The following ADAMTS12 variants were observed in gnomAD, a reference collection of about 807,000 sequenced individuals.
The protein encoded by ADAMTS12 is A disintegrin and metalloproteinase with thrombospondin motifs 12.
In ADAMTS12, 118 loss-of-function variants were observed where a neutral mutation model predicts 167.8. That is an observed-to-expected ratio of 0.70 (90% CI 0.61 to 0.82). The LOEUF (loss-of-function observed/expected upper bound fraction) is 0.82, where lower values mean the gene tolerates loss of function less well. Among genes scored for constraint, ADAMTS12 ranks in the 40% least tolerant of loss-of-function variants. ADAMTS12 has a pLI of 0.00. For synonymous variants in ADAMTS12, 704 were observed against 716.9 expected (o/e 0.98, Z 0.29); for missense variants, 1,916 against 1,998.8 (o/e 0.96, Z 0.79).
intron 3 of ADAMTS12, among the ~76,000 whole-genome samples, chr5:33,719,603 T>C (rs114517311): frequency 0.01 from 1,551 of 152,312 alleles, 28 homozygotes; most frequent in African/African-American, 0.035. Context: ...CACAGCACCA[T>C]CAGCACCTAA....
chr5:33,527,247 T>C lies in ADAMTS12; in HGVS notation c.4726A>G (p.Ile1576Val). 1 of 1,614,094 alleles carries C rather than the reference T, an allele frequency of 6.2e-7. No homozygotes were observed. Among genetic ancestry groups the C allele is most frequent in the South Asian group, 1.1e-5 (1 of 91,064 alleles). ...CTTCTTTGCCTTTGGGTGTGTGTGA[T>C]GTGTGTCTGGGGACACGAGAAGCAG... ...ECCFSCPQTH[I>V]THTQRQRRQR... Residue 1576 changes from isoleucine (I) to valine (V), a missense_variant, in exon 24 of 24, where the codon ATC becomes GTC. Physicochemically the swap from Ile to Val is conservative, Grantham distance 29. Coordinates refer to ENST00000504830, the MANE Select transcript of ADAMTS12 (RefSeq NM_030955.4).
intron 3 of ADAMTS12, among the ~76,000 whole-genome samples, chr5:33,729,253 T>C (rs1005046390): frequency 1.3e-5 from 2 of 152,212 alleles, no homozygotes; most frequent in African/African-American, 4.8e-5. Context: ...CTTCAGGGGT[T>C]CCATTGGAGA....
chr5:33,547,089 T>C (rs1745021410), intron 21 of ADAMTS12, among the ~76,000 whole-genome samples: 1 of 152,192 alleles, frequency 6.6e-6, no homozygotes, highest in Admixed American at 6.5e-5. Context: ...TCAACTTTTT[T>C]CCCACTTATT....
chr5:33,753,341 G>T (rs1273615109), intron 2 of ADAMTS12, among the ~76,000 whole-genome samples: 1 of 152,182 alleles, frequency 6.6e-6, no homozygotes, highest in African/African-American at 2.4e-5. Context: ...CAGGAAGGAA[G>T]AACGGACAAG....
At chr5:33,531,297 A>G (rs1463421679) in intron 23 of ADAMTS12, among the ~76,000 whole-genome samples, 1 of 152,198 alleles carries the variant, frequency 6.6e-6, no homozygotes, top group East Asian at 1.9e-4. Context: ...GTTTATTATA[A>G]TTTGTTATGG....
At chr5:33,756,267 G>A (rs1745163634) in intron 2 of ADAMTS12, among the ~76,000 whole-genome samples, 1 of 152,206 alleles carries the variant, frequency 6.6e-6, no homozygotes. Flanking sequence ...CTGTGTCACA[G>A]AGCCCTTCCC....
chr5:33,758,555 G>A (rs186962206), intron 2 of ADAMTS12, among the ~76,000 whole-genome samples: 11 of 152,244 alleles, frequency 7.2e-5, no homozygotes, highest in African/African-American at 1.4e-4. Context: ...TTCGCGCAAG[G>A]GGGTAAAGGG....
intron 2 of ADAMTS12, among the ~76,000 whole-genome samples, chr5:33,843,509 G>A (rs1748825961): frequency 1.3e-5 from 2 of 152,182 alleles, no homozygotes; most frequent in South Asian, 2.1e-4. Flanking sequence ...AGCAATAATG[G>A]AGATGGGATA....
intron 2 of ADAMTS12, among the ~76,000 whole-genome samples, chr5:33,793,970 G>A (rs184472956): frequency 1.1e-3 from 170 of 152,276 alleles, no homozygotes; most frequent in Middle Eastern, 3.4e-3. Context: ...TTGTTACAAA[G>A]TTCAGCTAGA....
chr5:33,795,505 C>T (rs1046132423), intron 2 of ADAMTS12, among the ~76,000 whole-genome samples: 3 of 152,198 alleles, frequency 2.0e-5, no homozygotes, highest in Non-Finnish European at 4.4e-5. Context: ...AATCTATTCA[C>T]GTAGCACTGA....
At chr5:33,772,683 G>A (rs1340984083) in intron 2 of ADAMTS12, among the ~76,000 whole-genome samples, 1 of 152,146 alleles carries the variant, frequency 6.6e-6, no homozygotes, top group Non-Finnish European at 1.5e-5. Flanking sequence ...CCTTAGCATA[G>A]TGAGGGTTTC....
At chr5:33,529,471 T>C (rs542786541) in intron 23 of ADAMTS12, among the ~76,000 whole-genome samples, 8 of 152,270 alleles carry the variant, frequency 5.3e-5, no homozygotes, top group African/African-American at 1.9e-4. Context: ...CTTTCTCCTT[T>C]ACAGAGAAAA....
chr5:33,588,717 G>A lies in ADAMTS12; in HGVS notation c.2747C>T (p.Ser916Phe), dbSNP rs1485849374. 2 of 1,614,022 alleles carry A rather than the reference G, an allele frequency of 1.2e-6. No individual in the cohort carries two copies. The highest frequency in any genetic ancestry group is 1.3e-5 in the African/African-American group (1 of 74,926). Residue 916 changes from serine to phenylalanine, a missense_variant, in exon 18 of 24, where the codon TCT (serine) becomes TTT (phenylalanine). Ser to Phe is a radical substitution (Grantham distance 155, BLOSUM62 -2). Coordinates refer to ENST00000504830, the MANE Select transcript of ADAMTS12 (RefSeq NM_030955.4). ...RTVLCIQTMV[S>F]DEQALPPTDC... ...TGTGGGCGGGAGAGCCTGCTCGTCA[G>A]AGACCATGGTCTGGATGCACAGCAC...
intron 3 of ADAMTS12, among the ~76,000 whole-genome samples, chr5:33,746,241 C>T (rs1744782745): frequency 6.6e-6 from 1 of 152,140 alleles, no homozygotes; most frequent in Non-Finnish European, 1.5e-5. Context: ...ACATGTTAAA[C>T]TCAATGTGGA....
At chr5:33,533,519 G>T (rs7724241) in intron 23 of ADAMTS12, among the ~76,000 whole-genome samples, 1 of 152,114 alleles carries the variant, frequency 6.6e-6, no homozygotes, top group African/African-American at 2.4e-5. Context: ...TGCCAATTCA[G>T]CTTGTCCAGG....
At chr5:33,839,295 T>C (rs1748652112) in intron 2 of ADAMTS12, among the ~76,000 whole-genome samples, 1 of 152,232 alleles carries the variant, frequency 6.6e-6, no homozygotes, top group African/African-American at 2.4e-5. Context: ...CTGTGTGTGC[T>C]ATTATTAGCA....
At chr5:33,754,799 T>C (rs1675593598) in intron 2 of ADAMTS12, among the ~76,000 whole-genome samples, 1 of 152,032 alleles carries the variant, frequency 6.6e-6, no homozygotes, top group South Asian at 2.1e-4. Context: ...GAGGTTGCAG[T>C]GAGCCGAGAT....
chr5:33,821,635 G>A (rs931876162), intron 2 of ADAMTS12, among the ~76,000 whole-genome samples: 1 of 151,990 alleles, frequency 6.6e-6, no homozygotes, highest in African/African-American at 2.4e-5. Flanking sequence ...CTAAGTACTC[G>A]TTGTTAGCTT....
intron 18 of ADAMTS12, among the ~76,000 whole-genome samples, chr5:33,583,699 G>T (rs1314696724): frequency 1.3e-5 from 2 of 152,124 alleles, no homozygotes; most frequent in African/African-American, 4.8e-5. Context: ...TGGAATAAAA[G>T]TTGTATCTCA....
Sources: allele counts gnomAD v4.1 joint callset (sites outside exome capture counted in the v4.1 genomes callset), GRCh38; gene constraint gnomAD v4.1.1; transcripts MANE v1.5; gene names NCBI Gene and HGNC (gene_info 2026-07-23, HGNC 2026-07-21).